Variants in METTL16 observed in about 807,000 individuals in gnomAD.
METTL16 encodes methyltransferase 16, RNA N6-adenosine, also known as RNA N(6)-adenosine-methyltransferase METTL16.
A neutral mutation model predicts 57.9 loss-of-function variants in METTL16; 19 were observed. The ratio of observed to expected loss-of-function variants is 0.33; its 90% CI spans 0.23 to 0.48. The LOEUF (loss-of-function observed/expected upper bound fraction) is 0.48, where lower values mean the gene tolerates loss of function less well. Ranked by LOEUF, METTL16 falls within the 20% of genes least tolerant of loss-of-function variation. METTL16 has a pLI of 0.99. For synonymous variants in METTL16, 246 were observed against 255.6 expected, an observed-to-expected ratio of 0.96 and a Z score of 0.36; for missense variants, 434 against 691.5, an observed-to-expected ratio of 0.63 and a Z score of 4.18.
chr17:2,455,110 A>T, intron 6 of METTL16: 1 of 160,838 alleles, frequency 6.2e-6, no homozygotes, highest in Admixed American at 6.7e-5. Context: ...TTTTTTTGAG[A>T]CGGAGTCTCA....
At position 2,420,366 on chromosome 17, in the gene METTL16, G is replaced by C. The variant is rs1179152714; in HGVS notation, c.1293C>G (p.Pro431=). ...CGCCTTCCCGCAGAGCAGGCCCACAGGGGGTCCTCTCCTGGGGGCCCCTGG... is the reference window on the plus strand; with the variant it reads ...CGCCTTCCCGCAGAGCAGGCCCACACGGGGTCCTCTCCTGGGGGCCCCTGG... ...ELARGPQERT[P]CGPALREGEA... The change falls in exon 10 of 10, where the codon CCC becomes CCG. Residue 431 remains proline (P), a synonymous_variant. Transcript: ENST00000263092. This position sits in a 1 kb window ranked among gnomAD's most constrained non-coding sequence, Gnocchi z 5.4. 2.2e-5 allele frequency: 35 copies of C among 1,612,166 alleles called. No homozygotes were observed. The highest frequency in any genetic ancestry group is 3.0e-5 in the Non-Finnish European group (35 of 1,180,018).
chr17:2,502,611 C>T (rs1055050929), intron 1 of METTL16, among the ~76,000 whole-genome samples: 2 of 151,914 alleles, frequency 1.3e-5, no homozygotes, highest in South Asian at 4.2e-4. Flanking sequence ...TTGCTTGAAC[C>T]CAGGAGGTGG....
rs1014708650 is a variant in METTL16, at chr17:2,477,814, G to C, written c.200C>G (p.Ser67Cys). Residue 67 changes from serine (S) to cysteine (C), a missense_variant, in exon 3 of 10, where the codon TCT (serine) becomes TGT (cysteine). Ser to Cys is a moderately radical substitution (Grantham distance 112, BLOSUM62 -1). Transcript: ENST00000263092. Reference protein sequence around the residue: ...CTLLREDFGLSIDIPLERLIP... With the variant: ...CTLLREDFGLCIDIPLERLIP... ...TAGTCTCTCCAATGGAATATCAATA[G>C]AAAGTCCAAAATCTTCCCTTAGGAG... 1.9e-6 allele frequency: 3 copies of C among 1,613,928 alleles called. No individual in the cohort carries two copies. The South Asian group carries it at 3.3e-5, about 18-fold the overall frequency.
At position 2,419,304 on chromosome 17, in the gene METTL16, C is replaced by T. The variant is rs3744276; in HGVS notation, c.*666G>A. ...TGGGGGTATGGGTGCCTTCTGTGTG[C>T]CTCAGTCACACCGGGGAGTTTTGCT... On this transcript the variant is annotated 3_prime_UTR_variant, in exon 10 of 10. Transcript: ENST00000263092. 0.39 allele frequency: 80,425 copies of T among 206,960 alleles called. 20,310 individuals carry two copies. The highest frequency in any genetic ancestry group is 0.77 in the African/African-American group (32,890 of 42,818). 12.8% of individuals were successfully genotyped at this position (206,960 alleles called of 1,614,324 possible). A position where few individuals can be genotyped will look rare whatever the true frequency, so the allele number is the denominator to read the frequency against.
At chr17:2,458,337 T>C (rs149938488) in intron 6 of METTL16, among the ~76,000 whole-genome samples, 10 of 151,864 alleles carry the variant, frequency 6.6e-5, no homozygotes, top group African/African-American at 2.4e-4. Flanking sequence ...ATAAAGGGCA[T>C]CAGTTATAGA....
At chr17:2,448,802 T>TAAAAAA (rs71150866) in intron 6 of METTL16, among the ~76,000 whole-genome samples, 13 of 43,620 alleles carry the variant, frequency 3.0e-4, no homozygotes, top group Non-Finnish European at 3.5e-4. Context: ...AAATAAAATT[T>TAAAAAA]AAAAAAAAAA....
intron 2 of METTL16, among the ~76,000 whole-genome samples, chr17:2,483,407 C>T (rs570621735): frequency 1.3e-5 from 2 of 152,136 alleles, no homozygotes; most frequent in African/African-American, 4.8e-5. Flanking sequence ...TTTTAAAGAA[C>T]AGCTTCTATA....
chr17:2,467,276 G>C (rs2067205644), intron 5 of METTL16, among the ~76,000 whole-genome samples: 1 of 152,178 alleles, frequency 6.6e-6, no homozygotes, highest in Non-Finnish European at 1.5e-5. Context: ...TACTAGGGGA[G>C]CTGACGGGCG....
At chr17:2,491,729 G>C (rs2067393022) in intron 2 of METTL16, among the ~76,000 whole-genome samples, 1 of 150,376 alleles carries the variant, frequency 6.6e-6, no homozygotes, top group Non-Finnish European at 1.5e-5. Context: ...CAAAAAATTA[G>C]CCAGGCGTGG....
rs1411824616 is a variant in METTL16 at position 2,450,396 on chromosome 17, A to G, written c.729-8837T>C. On this transcript the variant is annotated intron_variant, in intron 6 of 9. Transcript: ENST00000263092. ...TTTGTATGAAAAGTCTAGAACACAC[A>G]AAACTGTTGTGACAGAAAGTACATC... is the stretch of plus-strand genomic sequence containing the variant. Among the ~76,000 whole-genome samples, 4 of 152,334 alleles carry G rather than the reference A, an allele frequency of 2.6e-5. No individual in the cohort carries two copies. In the East Asian group the frequency reaches 7.7e-4, roughly 29 times the overall value.
At chr17:2,494,878 G>C (rs2067431057) in intron 2 of METTL16, among the ~76,000 whole-genome samples, 1 of 151,466 alleles carries the variant, frequency 6.6e-6, no homozygotes, top group East Asian at 1.9e-4. Context: ...TGCACCTGTA[G>C]TCCCAGATAC....
intron 8 of METTL16, among the ~76,000 whole-genome samples, chr17:2,421,878 G>A (rs1008590575): frequency 1.3e-5 from 2 of 152,160 alleles, no homozygotes; most frequent in African/African-American, 4.8e-5. Flanking sequence ...TAGCTGGGGA[G>A]GGTGACACCG....
intron 8 of METTL16, among the ~76,000 whole-genome samples, chr17:2,433,532 T>A (rs1019957689): frequency 6.6e-6 from 1 of 152,256 alleles, no homozygotes; most frequent in South Asian, 2.1e-4. Context: ...AGGAACAACA[T>A]AGGGCCGTGG....
At chr17:2,486,068 G>A (rs1240388561) in intron 2 of METTL16, among the ~76,000 whole-genome samples, 4 of 152,194 alleles carry the variant, frequency 2.6e-5, no homozygotes, top group Admixed American at 6.5e-5. Context: ...AACTTCTGGA[G>A]CATTCCAGGT....
chr17:2,434,005 T>A (rs1447208016), intron 8 of METTL16, among the ~76,000 whole-genome samples: 1 of 152,180 alleles, frequency 6.6e-6, no homozygotes, highest in East Asian at 1.9e-4. Flanking sequence ...TTTTCTTTCC[T>A]ATAAAACTCA....
At chr17:2,423,549 G>A (rs1327474324) in intron 8 of METTL16, among the ~76,000 whole-genome samples, 1 of 152,124 alleles carries the variant, frequency 6.6e-6, no homozygotes, top group Non-Finnish European at 1.5e-5. Flanking sequence ...GCCGGTGTGT[G>A]GGAGGATGAT....
At chr17:2,502,165 T>C in intron 2 of METTL16, 39 bp downstream of exon 2, 1 of 1,600,982 alleles carries the variant, frequency 6.2e-7, no homozygotes, top group Non-Finnish European at 8.5e-7. Flanking sequence ...TCCATTTGAA[T>C]CACACAAGAA....
rs34909896 is a variant in METTL16 at position 2,464,463 on chromosome 17, G to A, written c.586-113C>T. On this transcript the variant is annotated intron_variant, in intron 5 of 9. Transcript: ENST00000263092. The stretch of plus-strand genomic sequence containing the variant: ...AGTTGCAATTTTTACTTTCCAAATA[G>A]TATGCTAGATTTAGGATTTTAAAAT... 7 of 990,712 alleles carry A rather than the reference G, an allele frequency of 7.1e-6. 1 individual carries two copies. The highest frequency in any genetic ancestry group is 2.2e-4 in the Middle Eastern group (1 of 4,478). The allele number at this position is 990,712 out of a possible 1,614,324, so 61.4% of individuals were successfully genotyped here. A position where few individuals can be genotyped will look rare whatever the true frequency, so the allele number is the denominator to read the frequency against.
chr17:2,435,227 C>T (rs956949618), intron 8 of METTL16, among the ~76,000 whole-genome samples: 4 of 152,110 alleles, frequency 2.6e-5, no homozygotes, highest in Admixed American at 6.6e-5. Context: ...CCAACAGAAA[C>T]GAGTCAGTAG....
Sources: allele counts gnomAD v4.1 joint callset (sites outside exome capture counted in the v4.1 genomes callset), GRCh38; gene constraint gnomAD v4.1.1; non-coding constraint Gnocchi (gnomAD v3.1); transcripts MANE v1.5; gene names NCBI Gene and HGNC (gene_info 2026-07-23, HGNC 2026-07-21).